The following SV2C variants were observed in gnomAD, a reference collection of about 807,000 sequenced individuals.
SV2C encodes synaptic vesicle glycoprotein 2C.
Under a neutral mutation model 79.7 loss-of-function variants are expected in SV2C, and 49 were observed. That is an observed-to-expected ratio of 0.61 (90% CI 0.49 to 0.78). The LOEUF is 0.78. Ranked by LOEUF, SV2C falls within the 30% of genes least tolerant of loss-of-function variation. The pLI, the probability that SV2C is intolerant of heterozygous loss-of-function variation, is 0.00. For synonymous variants in SV2C, 334 were observed against 333.2 expected, an observed-to-expected ratio of 1.00 and a Z score of -0.03; for missense variants, 833 against 912.9, an observed-to-expected ratio of 0.91 and a Z score of 1.13.
chr5:76,065,626 T>C, the SV2C span, among the ~76,000 whole-genome samples: 5 of 152,292 alleles, frequency 3.3e-5, no homozygotes, highest in South Asian at 1.0e-3. Flanking sequence ...CTATTAGCTG[T>C]AGTATATGTA....
intron 2 of SV2C, among the ~76,000 whole-genome samples, chr5:76,142,902 C>CATTTTTTTTTTTTTTT (rs1749302546): frequency 1.0e-5 from 1 of 96,800 alleles, no homozygotes; most frequent in Admixed American, 9.4e-5. Context: ...TTTTTCTTTT[C>CATTTTTTTTTTTTTTT]CTTTTTTTTT....
At chr5:76,051,493 T>C in the SV2C span, among the ~76,000 whole-genome samples, 52 of 152,282 alleles carry the variant, frequency 3.4e-4, no homozygotes, top group South Asian at 3.9e-3. Context: ...ATGTAGACAG[T>C]GAAACAGTAA....
chr5:76,239,253 T>C (rs1172552660), intron 4 of SV2C, among the ~76,000 whole-genome samples: 2 of 152,174 alleles, frequency 1.3e-5, no homozygotes, highest in Non-Finnish European at 2.9e-5. Flanking sequence ...TACCCTTACA[T>C]AGTGATGTTT....
At chr5:76,129,859 G>A (rs1166061301) in intron 1 of SV2C, among the ~76,000 whole-genome samples, 2 of 152,164 alleles carry the variant, frequency 1.3e-5, no homozygotes, top group African/African-American at 4.8e-5. Flanking sequence ...AGCTGATTAT[G>A]TACAGGAAGC....
chr5:75,941,637 A>G, the SV2C span, among the ~76,000 whole-genome samples: 1 of 152,232 alleles, frequency 6.6e-6, no homozygotes, highest in South Asian at 2.1e-4. Flanking sequence ...TTTCATCCAC[A>G]GCTCCTGGCT....
intron 4 of SV2C, among the ~76,000 whole-genome samples, chr5:76,266,334 A>T (rs1746654427): frequency 6.6e-6 from 1 of 152,058 alleles, no homozygotes. Flanking sequence ...CAGCCTCCTG[A>T]GTAGCTGGGA....
At chr5:76,318,192 G>A (rs1372681362) in intron 12 of SV2C, among the ~76,000 whole-genome samples, 15 of 152,176 alleles carry the variant, frequency 9.9e-5, no homozygotes, top group Admixed American at 9.8e-4. Flanking sequence ...GGCCGAGGCG[G>A]GCAGATCATG....
chr5:76,259,054 G>C (rs569901628), intron 4 of SV2C, among the ~76,000 whole-genome samples: 2 of 152,258 alleles, frequency 1.3e-5, no homozygotes, highest in African/African-American at 4.8e-5. Context: ...TCTCCTATTG[G>C]GGGACATTTG....
intron 12 of SV2C, among the ~76,000 whole-genome samples, chr5:76,348,506 G>A (rs552604472): frequency 2.6e-4 from 39 of 152,292 alleles, no homozygotes; most frequent in Non-Finnish European, 4.9e-4. Context: ...GTAAGAAACC[G>A]CGAAACTGAC....
chr5:76,325,847 G>A lies in SV2C; in HGVS notation c.*300G>A, dbSNP rs1294927132. ...CCCTAGGCAGCCAGGCTTCCCTGGG[G>A]TTCTGCTCATTGAAAGTTTAGAAGC... On this transcript the variant is annotated 3_prime_UTR_variant, in exon 13 of 13. Coordinates refer to ENST00000502798, the MANE Select transcript of SV2C (RefSeq NM_014979.4). The A allele has an allele frequency of 3.7e-6, 1 of 269,696 alleles. No homozygotes were observed. Among genetic ancestry groups the A allele is most frequent in the African/African-American group, 2.2e-5 (1 of 45,208 alleles). The allele number at this position is 269,696 out of a possible 1,614,324, so 16.7% of individuals were successfully genotyped here. A position where few individuals can be genotyped will look rare whatever the true frequency, so the allele number is the denominator to read the frequency against.
chr5:75,910,617 A>C, the SV2C span: 2 of 810,748 alleles, frequency 2.5e-6, no homozygotes, highest in Non-Finnish European at 4.3e-6. Flanking sequence ...AAACTTGTGG[A>C]TTATGATGGT....
chr5:76,342,502 A>ACACAGGAAGGTAC (rs1749462400), intron 12 of SV2C, among the ~76,000 whole-genome samples: 1 of 152,348 alleles, frequency 6.6e-6, no homozygotes, highest in African/African-American at 2.4e-5. Context: ...ATCTCTATAC[A>ACACAGGAAGGTAC]CACAGGAAGG....
At chr5:75,878,448 A>T in the SV2C span, among the ~76,000 whole-genome samples, 3 of 152,154 alleles carry the variant, frequency 2.0e-5, no homozygotes, top group African/African-American at 7.2e-5. Flanking sequence ...TGTGTAGTAA[A>T]AGACTGACAA....
intron 1 of SV2C, among the ~76,000 whole-genome samples, chr5:76,084,935 T>C (rs1339024993): frequency 6.6e-6 from 1 of 152,022 alleles, no homozygotes; most frequent in Admixed American, 6.5e-5. Flanking sequence ...GAGCCGCAGC[T>C]ACCGGGCGCT....
At chr5:75,959,896 C>T in the SV2C span, among the ~76,000 whole-genome samples, 1 of 151,912 alleles carries the variant, frequency 6.6e-6, no homozygotes, top group South Asian at 2.1e-4. Context: ...CTTTTAAAGA[C>T]CTAGAGCACC....
intron 4 of SV2C, among the ~76,000 whole-genome samples, chr5:76,236,439 A>G (rs148158054): frequency 0.12 from 17,845 of 151,898 alleles, 3,062 homozygotes; most frequent in African/African-American, 0.38. Context: ...GCAGGTGCCT[A>G]TAATCCCAGC....
At chr5:75,960,819 TATTA>T in the SV2C span, among the ~76,000 whole-genome samples, 203 of 152,118 alleles carry the variant, frequency 1.3e-3, 5 homozygotes, top group East Asian at 0.026. Context: ...TTCATTTATT[TATTA>T]ATTCCCCAAA....
At chr5:76,227,892 C>A (rs1745299662) in intron 4 of SV2C, among the ~76,000 whole-genome samples, 1 of 152,204 alleles carries the variant, frequency 6.6e-6, no homozygotes, top group Non-Finnish European at 1.5e-5. Flanking sequence ...CATCTTGTCC[C>A]ATCGCGGCTC....
the SV2C span, among the ~76,000 whole-genome samples, chr5:76,013,103 C>T: frequency 6.6e-6 from 1 of 152,098 alleles, no homozygotes; most frequent in Middle Eastern, 3.4e-3. Context: ...TTTTTTGGTT[C>T]CATATGAAAT....
Sources: gnomAD v4.1 joint callset for allele counts (sites outside exome capture counted in the v4.1 genomes callset) on GRCh38, gnomAD v4.1.1 for gene constraint, MANE v1.5 for transcripts, NCBI Gene and HGNC (gene_info 2026-07-23, HGNC 2026-07-21) for gene names.